MYO16: variants seen among roughly 807,000 people sequenced by gnomAD.
The protein encoded by MYO16 is myosin XVI.
A neutral mutation model predicts 205.3 loss-of-function variants in MYO16; 94 were observed. That is an observed-to-expected ratio of 0.46 (90% confidence interval 0.39 to 0.54). The LOEUF is 0.54. MYO16 is among the 20% of genes least tolerant of loss of function. The pLI, the probability that MYO16 is intolerant of heterozygous loss-of-function variation, is 0.00. For missense variants in MYO16, 2,315 were observed against 2,387.5 expected, an observed-to-expected ratio of 0.97 and a Z score of 0.63; for synonymous variants, 988 against 954.0, an observed-to-expected ratio of 1.04 and a Z score of -0.66.
chr13:108,811,893 A>G (rs1887305246), intron 7 of MYO16, among the ~76,000 whole-genome samples: 1 of 152,202 alleles, frequency 6.6e-6, no homozygotes, highest in African/African-American at 2.4e-5. Context: ...ATGCAGACAT[A>G]GTCATACTGT....
At chr13:109,111,467 G>A (rs911599827) in intron 28 of MYO16, among the ~76,000 whole-genome samples, 1 of 152,176 alleles carries the variant, frequency 6.6e-6, no homozygotes, top group Admixed American at 6.5e-5. Context: ...TGTGAAAGAT[G>A]TGACTACTTT....
chr13:109,078,787 T>C (rs768645965), intron 27 of MYO16, among the ~76,000 whole-genome samples: 20 of 152,190 alleles, frequency 1.3e-4, no homozygotes, highest in Non-Finnish European at 2.4e-4. Flanking sequence ...ATCTTAGTAC[T>C]GATGCAAAAC....
intron 34 of MYO16, among the ~76,000 whole-genome samples, chr13:109,184,213 A>G (rs1420062475): frequency 1.3e-5 from 2 of 152,154 alleles, no homozygotes; most frequent in African/African-American, 4.8e-5. Context: ...ATAACCATAT[A>G]TGAGCTACAA....
intron 2 of MYO16, among the ~76,000 whole-genome samples, chr13:108,694,850 C>T (rs896865874): frequency 2.6e-5 from 4 of 152,300 alleles, no homozygotes; most frequent in African/African-American, 9.6e-5. Context: ...CCATGGCTTA[C>T]ACCTATAATC....
intron 15 of MYO16, among the ~76,000 whole-genome samples, chr13:108,899,868 T>C (rs1275159114): frequency 6.6e-6 from 1 of 152,166 alleles, no homozygotes; most frequent in Admixed American, 6.5e-5. Flanking sequence ...GAGTTTGTTA[T>C]AGATGCAGAA....
At chr13:108,618,576 C>T (rs182481718) in intron 1 of MYO16, among the ~76,000 whole-genome samples, 9 of 152,302 alleles carry the variant, frequency 5.9e-5, no homozygotes, top group Admixed American at 2.6e-4. Flanking sequence ...TCTAAGCTTA[C>T]GTTTGCATTT....
chr13:108,687,099 C>A (rs1306525442), intron 2 of MYO16, among the ~76,000 whole-genome samples: 1 of 152,166 alleles, frequency 6.6e-6, no homozygotes, highest in Non-Finnish European at 1.5e-5. Context: ...TTTCAGATAA[C>A]AAGGATTCAC....
chr13:108,963,936 G>A (rs567692248), intron 19 of MYO16, among the ~76,000 whole-genome samples: 19 of 152,106 alleles, frequency 1.2e-4, no homozygotes, highest in Non-Finnish European at 2.4e-4. Context: ...GTTCCATCTC[G>A]ATGGCCTTGA....
intron 34 of MYO16, among the ~76,000 whole-genome samples, chr13:109,203,586 C>T (rs900418508): frequency 1.1e-4 from 17 of 152,116 alleles, no homozygotes; most frequent in African/African-American, 2.9e-4. Flanking sequence ...AGGCTTGATC[C>T]GCCTTTGCCT....
intron 15 of MYO16, 82 bp downstream of exon 15, chr13:108,898,215 A>C: frequency 3.1e-6 from 3 of 973,640 alleles, no homozygotes; most frequent in South Asian, 2.6e-5. Flanking sequence ...CTATGGACAC[A>C]CTGTGTATGA....
chr13:108,884,479 C>G (rs56317277), intron 13 of MYO16, among the ~76,000 whole-genome samples: 1 of 151,990 alleles, frequency 6.6e-6, no homozygotes, highest in Non-Finnish European at 1.5e-5. Flanking sequence ...ATGAGAAAGG[C>G]GCTGAGGCAG....
intron 10 of MYO16, among the ~76,000 whole-genome samples, chr13:108,847,568 T>A (rs1877587260): frequency 6.6e-6 from 1 of 152,192 alleles, no homozygotes; most frequent in Admixed American, 6.5e-5. Flanking sequence ...TGGAAAATTT[T>A]AAAAAATTAA....
chr13:108,701,565 AC>A (rs760982342), intron 2 of MYO16, among the ~76,000 whole-genome samples: 10 of 152,198 alleles, frequency 6.6e-5, no homozygotes, highest in Non-Finnish European at 8.8e-5. Context: ...AAAATAAACT[AC>A]CATTTTTAAA....
intron 27 of MYO16, among the ~76,000 whole-genome samples, chr13:109,067,256 C>T (rs759027170): frequency 6.6e-6 from 1 of 152,190 alleles, no homozygotes; most frequent in Non-Finnish European, 1.5e-5. Context: ...TTTGCCATAG[C>T]TTTGATTTAA....
At chr13:109,004,864 C>T (rs1163764309) in intron 21 of MYO16, among the ~76,000 whole-genome samples, 2 of 152,194 alleles carry the variant, frequency 1.3e-5, no homozygotes, top group East Asian at 1.9e-4. Flanking sequence ...ATATTCAAAT[C>T]GTATTTGCCT....
At chr13:108,655,217 G>A (rs1292882623) in intron 1 of MYO16, among the ~76,000 whole-genome samples, 1 of 152,142 alleles carries the variant, frequency 6.6e-6, no homozygotes, top group East Asian at 1.9e-4. Flanking sequence ...CATGGGCCAG[G>A]CCCAGGGTCC....
At chr13:109,107,415 A>G (rs1247924340) in intron 28 of MYO16, among the ~76,000 whole-genome samples, 1 of 152,212 alleles carries the variant, frequency 6.6e-6, no homozygotes, top group East Asian at 1.9e-4. Flanking sequence ...TTAACATTTT[A>G]CCATAACATT....
intron 12 of MYO16, among the ~76,000 whole-genome samples, chr13:108,874,128 A>G (rs1363511694): frequency 6.6e-6 from 1 of 152,220 alleles, no homozygotes; most frequent in East Asian, 1.9e-4. Context: ...TGAGAACAAC[A>G]ATTAAATAGC....
chr13:108,897,990 C>A (rs1324297395), intron 14 of MYO16, 26 bp from the exon 15 acceptor site: 2 of 1,505,626 alleles, frequency 1.3e-6, no homozygotes, highest in East Asian at 2.3e-5. Context: ...ATGAGCAGTT[C>A]AGTAAAATGT....
Sources: gnomAD v4.1 joint callset for allele counts (sites outside exome capture counted in the v4.1 genomes callset) on GRCh38, gnomAD v4.1.1 for gene constraint, MANE v1.5 for transcripts, NCBI Gene and HGNC (gene_info 2026-07-23, HGNC 2026-07-21) for gene names.